The following TLL1 variants were observed in gnomAD, a reference collection of about 807,000 sequenced individuals.
The protein encoded by TLL1 is tolloid-like protein 1.
A neutral mutation model predicts 128.2 loss-of-function variants in TLL1; 49 were observed. The ratio of observed to expected loss-of-function variants is 0.38; its 90% CI spans 0.30 to 0.48. TLL1 has a LOEUF of 0.48. Ranked by LOEUF, TLL1 falls within the 20% of genes least tolerant of loss-of-function variation. The probability of loss-of-function intolerance (pLI) is 0.96; values close to 1 mark genes in which losing one functional copy is unlikely to be tolerated. For synonymous variants in TLL1, 454 were observed against 418.8 expected (o/e 1.08, Z -1.03); for missense variants, 1,123 against 1,242.0 (o/e 0.90, Z 1.44).
At chr4:165,956,397 C>T (rs535634754) in intron 1 of TLL1, among the ~76,000 whole-genome samples, 9 of 152,036 alleles carry the variant, frequency 5.9e-5, no homozygotes, top group East Asian at 1.9e-4. Context: ...ATTCCCAGAG[C>T]GGCCGTTTAT....
intron 1 of TLL1, among the ~76,000 whole-genome samples, chr4:165,946,358 C>T (rs1023246088): frequency 5.3e-5 from 8 of 151,502 alleles, no homozygotes; most frequent in Admixed American, 3.9e-4. Flanking sequence ...TTTTTTGAGA[C>T]AGGATCCCAC....
At chr4:165,996,331 G>A (rs571685759) in intron 5 of TLL1, among the ~76,000 whole-genome samples, 292 of 152,250 alleles carry the variant, frequency 1.9e-3, no homozygotes, top group African/African-American at 6.6e-3. Flanking sequence ...CTAAGGAGCC[G>A]GGCACGGTGG....
At chr4:166,062,870 G>C (rs113455204) in intron 15 of TLL1, among the ~76,000 whole-genome samples, 4,207 of 151,986 alleles carry the variant, frequency 0.028, 190 homozygotes, top group African/African-American at 0.092. Context: ...ATAAATAGCT[G>C]TTATTATTTT....
intron 1 of TLL1, among the ~76,000 whole-genome samples, chr4:165,988,320 TAG>T (rs1736479054): frequency 6.6e-6 from 1 of 152,082 alleles, no homozygotes; most frequent in African/African-American, 2.4e-5. Context: ...GTAAAAAAGA[TAG>T]AGTCAGACTG....
rs1049528885 is a variant in TLL1 at position 165,879,622 on chromosome 4, A to C, written c.169+5549A>C. Among the ~76,000 whole-genome samples, 51 of 152,128 alleles carry C rather than the reference A, an allele frequency of 3.4e-4. 1 individual carries two copies. Among genetic ancestry groups the C allele is most frequent in the Admixed American group, 2.6e-3 (39 of 15,274 alleles). On this transcript the variant is annotated intron_variant, in intron 1 of 20. Coordinates refer to ENST00000061240, the MANE Select transcript of TLL1 (RefSeq NM_012464.5). ...TTAGACCCATCTGCTTAAAATATTT[A>C]AAACTAGGACCCTCCTTAAGCTTTT...
At chr4:165,965,800 A>T (rs1490151633) in intron 1 of TLL1, among the ~76,000 whole-genome samples, 4 of 152,200 alleles carry the variant, frequency 2.6e-5, no homozygotes, top group African/African-American at 7.2e-5. Context: ...TAAGAATTTG[A>T]TGTGGAATGC....
chr4:165,960,739 G>T lies in TLL1; in HGVS notation c.170-28642G>T, dbSNP rs76437228. On this transcript the variant is annotated intron_variant, in intron 1 of 20. Coordinates refer to ENST00000061240, the MANE Select transcript of TLL1 (RefSeq NM_012464.5). ...GATCATCTCAATAGATGCAGAAAAA[G>T]CTTTTGATATAATCCCGCCTCCCTT... is the stretch of plus-strand genomic sequence containing the variant. Among the ~76,000 whole-genome samples, 791 of 152,162 alleles carry T rather than the reference G, an allele frequency of 5.2e-3. 12 individuals carry two copies. Among genetic ancestry groups the T allele is most frequent in the African/African-American group, 0.018 (736 of 41,534 alleles).
At chr4:165,907,546 A>T (rs1404983566) in intron 1 of TLL1, among the ~76,000 whole-genome samples, 2 of 148,188 alleles carry the variant, frequency 1.3e-5, no homozygotes, top group African/African-American at 5.2e-5. Flanking sequence ...AATTTAATGC[A>T]AGCCTTTTTT....
chr4:166,063,960 G>A (rs962816946), intron 15 of TLL1, among the ~76,000 whole-genome samples: 7 of 151,234 alleles, frequency 4.6e-5, no homozygotes, highest in Admixed American at 6.6e-5. Context: ...CAAACTTCAC[G>A]TTGTGCACAT....
intron 1 of TLL1, among the ~76,000 whole-genome samples, chr4:165,952,265 CCA>C (rs1734561524): frequency 1.3e-5 from 2 of 152,070 alleles, no homozygotes; most frequent in Non-Finnish European, 2.9e-5. Flanking sequence ...AGTTCCTTGT[CCA>C]TATTGTTGAT....
intron 12 of TLL1, among the ~76,000 whole-genome samples, chr4:166,051,061 G>A (rs1304675979): frequency 6.6e-6 from 1 of 152,032 alleles, no homozygotes; most frequent in East Asian, 1.9e-4. Flanking sequence ...TGATAAACTT[G>A]TCATATTAAT....
At chr4:166,046,980 T>C (rs1560833405) in intron 12 of TLL1, among the ~76,000 whole-genome samples, 1 of 148,354 alleles carries the variant, frequency 6.7e-6, no homozygotes, top group Admixed American at 6.6e-5. Context: ...TTTATATCAA[T>C]TTTTTTGTTT....
At chr4:166,068,103 G>A (rs527674069) in intron 16 of TLL1, among the ~76,000 whole-genome samples, 2 of 151,652 alleles carry the variant, frequency 1.3e-5, no homozygotes, top group Non-Finnish European at 2.9e-5. Flanking sequence ...GAAAAGTCTT[G>A]GCTGTTTTTC....
At chr4:165,930,048 G>A (rs1733446396) in intron 1 of TLL1, among the ~76,000 whole-genome samples, 1 of 152,134 alleles carries the variant, frequency 6.6e-6, no homozygotes, top group Non-Finnish European at 1.5e-5. Flanking sequence ...AAATATCCCA[G>A]AAAGAGCAGA....
intron 1 of TLL1, among the ~76,000 whole-genome samples, chr4:165,983,910 G>C (rs1327096615): frequency 6.6e-6 from 1 of 151,828 alleles, no homozygotes; most frequent in African/African-American, 2.4e-5. Context: ...AGGAAAGGAT[G>C]AGTGAACAAT....
intron 19 of TLL1, among the ~76,000 whole-genome samples, chr4:166,093,673 T>C (rs1741887806): frequency 6.6e-6 from 1 of 152,124 alleles, no homozygotes; most frequent in Non-Finnish European, 1.5e-5. Context: ...CGGTCAGGCC[T>C]TTCTCATCCC....
intron 8 of TLL1, among the ~76,000 whole-genome samples, chr4:166,020,494 C>T (rs897124102): frequency 3.3e-5 from 5 of 152,244 alleles, no homozygotes; most frequent in East Asian, 1.9e-4. Context: ...TATTTTCTCT[C>T]GTCTTAAATG....
At position 166,102,381 on chromosome 4, in the gene TLL1, G is replaced by A. The variant is rs1742329359; in HGVS notation, c.*1505G>A. 6.6e-6 allele frequency: 1 copy of A among 152,358 alleles called. No homozygotes were observed. The highest frequency in any genetic ancestry group is 2.1e-4 in the South Asian group (1 of 4,830). The allele number at this position is 152,358 out of a possible 1,614,324, so 9.4% of individuals were successfully genotyped here. A position where few individuals can be genotyped will look rare whatever the true frequency, so the allele number is the denominator to read the frequency against. On this transcript the variant is annotated 3_prime_UTR_variant, in exon 21 of 21. Transcript: ENST00000061240. ...AATTAATGAATGTAGATGTGTGATT[G>A]TCTGAGTGAGTGAAACTACAAGAGG...
intron 14 of TLL1, 67 bp downstream of exon 14, chr4:166,057,376 T>C: frequency 6.4e-7 from 1 of 1,566,102 alleles, no homozygotes; most frequent in African/African-American, 1.7e-5. Flanking sequence ...TCTCATTCTC[T>C]GTCTGTCTTC....
Sources: gnomAD v4.1 joint callset for allele counts (sites outside exome capture counted in the v4.1 genomes callset) on GRCh38, gnomAD v4.1.1 for gene constraint, MANE v1.5 for transcripts, NCBI Gene and HGNC (gene_info 2026-07-23, HGNC 2026-07-21) for gene names.